Variants in PARD3 observed in about 807,000 individuals in gnomAD.
PARD3 encodes partitioning defective 3 homolog.
Under a neutral mutation model 155.4 loss-of-function variants are expected in PARD3, and 75 were observed. That is an observed-to-expected ratio of 0.48 (90% CI 0.40 to 0.58). The LOEUF is 0.58. Among genes scored for constraint, PARD3 ranks in the 20% least tolerant of loss-of-function variants. The pLI, the probability that PARD3 is intolerant of heterozygous loss-of-function variation, is 0.00. For missense variants in PARD3, 1,642 were observed against 1,721.7 expected, an observed-to-expected ratio of 0.95 and a Z score of 0.82; for synonymous variants, 576 against 610.5, an observed-to-expected ratio of 0.94 and a Z score of 0.83.
intron 22 of PARD3, among the ~76,000 whole-genome samples, chr10:34,256,312 C>CT (rs1954652389): frequency 2.6e-5 from 4 of 152,210 alleles, no homozygotes. Flanking sequence ...CACTCTGCAG[C>CT]TTTGGTCATG....
chr10:34,791,410 C>A (rs186557725), intron 1 of PARD3, among the ~76,000 whole-genome samples: 231 of 152,326 alleles, frequency 1.5e-3, no homozygotes, highest in African/African-American at 5.4e-3. Flanking sequence ...AAGCCCGGGA[C>A]CAGGCCGGGG....
intron 5 of PARD3, among the ~76,000 whole-genome samples, chr10:34,443,072 G>A (rs1361099663): frequency 6.6e-6 from 1 of 151,904 alleles, no homozygotes; most frequent in Non-Finnish European, 1.5e-5. Flanking sequence ...AACAACTCTG[G>A]TAAGTCGTGT....
At chr10:34,251,465 C>T (rs1954302747) in intron 22 of PARD3, among the ~76,000 whole-genome samples, 1 of 152,092 alleles carries the variant, frequency 6.6e-6, no homozygotes, top group Non-Finnish European at 1.5e-5. Flanking sequence ...CAAAAAAACC[C>T]CAGTGAGGTA....
intron 1 of PARD3, among the ~76,000 whole-genome samples, chr10:34,807,814 T>C (rs912122079): frequency 1.3e-5 from 2 of 152,118 alleles, no homozygotes; most frequent in African/African-American, 4.8e-5. Flanking sequence ...GATGTGGAGC[T>C]TGAAATTTTA....
At chr10:34,460,692 G>C (rs996910067) in intron 4 of PARD3, among the ~76,000 whole-genome samples, 3 of 152,088 alleles carry the variant, frequency 2.0e-5, no homozygotes, top group Non-Finnish European at 4.4e-5. Flanking sequence ...AATTAGCCGG[G>C]TGTGGTGGCA....
chr10:34,708,267 G>GA (rs36035625), intron 1 of PARD3, among the ~76,000 whole-genome samples: 39,644 of 137,896 alleles, frequency 0.29, 6,747 homozygotes, highest in East Asian at 0.53. Context: ...ATCTTTAAAG[G>GA]AAAAAAAAAA....
chr10:34,561,885 A>C (rs1031858612), intron 2 of PARD3, among the ~76,000 whole-genome samples: 1 of 151,410 alleles, frequency 6.6e-6, no homozygotes, highest in Non-Finnish European at 1.5e-5. Flanking sequence ...TAATCCTAGC[A>C]CTTTGGGAGG....
intron 22 of PARD3, among the ~76,000 whole-genome samples, chr10:34,182,180 A>T (rs1274499828): frequency 1.3e-5 from 2 of 152,144 alleles, no homozygotes; most frequent in African/African-American, 2.4e-5. Flanking sequence ...TGGTCCACAG[A>T]CCAGACAGAG....
chr10:34,227,451 C>A (rs760611273), intron 22 of PARD3, among the ~76,000 whole-genome samples: 24 of 152,166 alleles, frequency 1.6e-4, no homozygotes, highest in Non-Finnish European at 2.9e-4. Context: ...GCCTGATCAA[C>A]ATGGGGAAAC....
At chr10:34,261,155 C>A (rs1018906202) in intron 22 of PARD3, among the ~76,000 whole-genome samples, 3 of 152,076 alleles carry the variant, frequency 2.0e-5, no homozygotes, top group Admixed American at 6.6e-5. Flanking sequence ...CTCCTGGTGG[C>A]AAATGATTGC....
At chr10:34,281,951 A>T (rs907533390) in intron 21 of PARD3, among the ~76,000 whole-genome samples, 1 of 152,114 alleles carries the variant, frequency 6.6e-6, no homozygotes, top group African/African-American at 2.4e-5. Context: ...TGTAAGGAGA[A>T]TATAAGTAGT....
chr10:34,310,232 A>G (rs1039205524), intron 20 of PARD3, among the ~76,000 whole-genome samples: 1 of 152,234 alleles, frequency 6.6e-6, no homozygotes, highest in African/African-American at 2.4e-5. Context: ...AATATTTCCA[A>G]CATATGTTGT....
At chr10:34,528,776 C>T (rs953269146) in intron 2 of PARD3, among the ~76,000 whole-genome samples, 4 of 151,994 alleles carry the variant, frequency 2.6e-5, no homozygotes, top group South Asian at 2.1e-4. Context: ...TTATTCTGCA[C>T]GAGGTTTCAA....
intron 20 of PARD3, among the ~76,000 whole-genome samples, chr10:34,287,825 T>A (rs556222672): frequency 6.6e-6 from 1 of 152,324 alleles, no homozygotes; most frequent in South Asian, 2.1e-4. Flanking sequence ...ATTAAAATAT[T>A]AATTAGTTTC....
chr10:34,130,148 T>C (rs1185920425), intron 23 of PARD3, among the ~76,000 whole-genome samples: 1 of 152,202 alleles, frequency 6.6e-6, no homozygotes, highest in African/African-American at 2.4e-5. Flanking sequence ...GTCTGAACTA[T>C]CGCCTCTACT....
chr10:34,481,510 C>T (rs941206088), intron 3 of PARD3, among the ~76,000 whole-genome samples: 10 of 152,168 alleles, frequency 6.6e-5, no homozygotes, highest in African/African-American at 1.2e-4. Context: ...AGGTCCTTTG[C>T]TAAGCCAGTA....
intron 21 of PARD3, among the ~76,000 whole-genome samples, chr10:34,283,407 A>G (rs939807501): frequency 6.6e-6 from 1 of 152,160 alleles, no homozygotes; most frequent in African/African-American, 2.4e-5. Flanking sequence ...GTAAACTCTA[A>G]TAACAAAAGT....
intron 2 of PARD3, among the ~76,000 whole-genome samples, chr10:34,576,912 AT>A (rs2086935383): frequency 6.6e-6 from 1 of 152,206 alleles, no homozygotes; most frequent in African/African-American, 2.4e-5. Context: ...CTTGCAATCA[AT>A]TAACGTCATC....
intron 4 of PARD3, among the ~76,000 whole-genome samples, chr10:34,469,407 C>A (rs946326649): frequency 1.3e-5 from 2 of 152,092 alleles, no homozygotes; most frequent in Non-Finnish European, 1.5e-5. Context: ...CCACGCCCAG[C>A]CAACAAATTT....
Sources: gnomAD v4.1 joint callset for allele counts (sites outside exome capture counted in the v4.1 genomes callset) on GRCh38, gnomAD v4.1.1 for gene constraint, MANE v1.5 for transcripts, NCBI Gene and HGNC (gene_info 2026-07-23, HGNC 2026-07-21) for gene names.